Variants in GMPS observed in about 807,000 individuals in gnomAD.
The protein encoded by GMPS is GMP synthase [glutamine-hydrolyzing].
A neutral mutation model predicts 77.9 loss-of-function variants in GMPS; 15 were observed. That is an observed-to-expected ratio of 0.19 (90% CI 0.13 to 0.30). The LOEUF (loss-of-function observed/expected upper bound fraction) is 0.30, where lower values mean the gene tolerates loss of function less well. GMPS is among the 10% of genes least tolerant of loss of function. The pLI is 1.00. For missense variants in GMPS, 590 were observed against 838.8 expected (o/e 0.70, Z 3.66); for synonymous variants, 224 against 275.9 (o/e 0.81, Z 1.86).
chr3:155,926,693 T>C (rs978745114), intron 12 of GMPS, among the ~76,000 whole-genome samples: 1 of 152,250 alleles, frequency 6.6e-6, no homozygotes, highest in African/African-American at 2.4e-5. Flanking sequence ...CCCTTTGCTC[T>C]GAATTCATGC....
intron 1 of GMPS, among the ~76,000 whole-genome samples, chr3:155,879,265 CTTTTT>C (rs370727242): frequency 8.2e-6 from 1 of 122,654 alleles, no homozygotes; most frequent in African/African-American, 3.0e-5. Context: ...CTGCACTTGT[CTTTTT>C]TTTTTTTTTT....
At chr3:155,896,743 T>TA (rs1754613677) in intron 2 of GMPS, among the ~76,000 whole-genome samples, 1 of 137,000 alleles carries the variant, frequency 7.3e-6, no homozygotes, top group African/African-American at 2.5e-5. Flanking sequence ...TTTTTTTTTT[T>TA]TTTTTTTTTA....
chr3:155,928,664 C>T (rs1190659062), intron 12 of GMPS, among the ~76,000 whole-genome samples: 2 of 147,088 alleles, frequency 1.4e-5, no homozygotes, highest in Non-Finnish European at 3.0e-5. Flanking sequence ...TTAGGTATAT[C>T]TCCCAATGCT....
intron 1 of GMPS, among the ~76,000 whole-genome samples, chr3:155,874,520 T>G (rs1302316071): frequency 6.6e-6 from 1 of 152,200 alleles, no homozygotes; most frequent in East Asian, 1.9e-4. Flanking sequence ...ACTTAGTAAA[T>G]TTTTTTCTTA....
At chr3:155,933,206 G>GA (rs748186459) in intron 13 of GMPS, among the ~76,000 whole-genome samples, 28 of 147,848 alleles carry the variant, frequency 1.9e-4, no homozygotes, top group African/African-American at 4.9e-4. Flanking sequence ...AAAGGAAAAA[G>GA]AAAAAAAAAA....
intron 8 of GMPS, among the ~76,000 whole-genome samples, chr3:155,915,238 G>GTTTT (rs35664957): frequency 7.5e-6 from 1 of 133,186 alleles, no homozygotes. Flanking sequence ...CTTTGTTTTT[G>GTTTT]TTTTTTTTTT....
At position 155,940,456 on chromosome 3, in the gene GMPS, GTT is replaced by G. The variant is rs1285782978; in HGVS notation, c.*2766_*2767del. The G allele has an allele frequency of 1.4e-5, 3 of 211,294 alleles. No individual in the cohort carries two copies. Among genetic ancestry groups the G allele is most frequent in the Non-Finnish European group, 2.9e-5 (3 of 104,326 alleles). 13.1% of individuals were successfully genotyped at this position (211,294 alleles called of 1,614,324 possible). ...TAGTCAAACAAGCATCATAAAATTT[GTT>G]TCCTCACTGTTTGGGCTTAACCTCC... On this transcript the variant is annotated 3_prime_UTR_variant, in exon 16 of 16. Coordinates refer to ENST00000496455, the MANE Select transcript of GMPS (RefSeq NM_003875.3).
chr3:155,895,316 A>AT (rs981056483), intron 2 of GMPS: 2 of 150,328 alleles, frequency 1.3e-5, no homozygotes, highest in Admixed American at 6.6e-5. Context: ...TTTTTTTATT[A>AT]TTTTTTTGAG....
rs767970303 is a variant in GMPS at position 155,911,239 on chromosome 3, T to C, written c.846T>C (p.Ser282=). ...TTATGAGAAAACGAGAAAGCCAGTC[T>C]GTTGAAGAGGCCCTCAAAAAGCTTG... ...NGFMRKRESQ[S]VEEALKKLGI... Residue 282 remains serine (S), a synonymous_variant, in exon 7 of 16, where the codon TCT becomes TCC. Transcript: ENST00000496455. The C allele has an allele frequency of 1.2e-6, 2 of 1,611,980 alleles. No individual in the cohort carries two copies. The highest frequency in any genetic ancestry group is 1.7e-6 in the Non-Finnish European group (2 of 1,179,116).
intron 3 of GMPS, among the ~76,000 whole-genome samples, chr3:155,901,234 A>G (rs1478335995): frequency 2.0e-5 from 3 of 152,068 alleles, no homozygotes. Context: ...TTATATTCCT[A>G]AATAATATAT....
At chr3:155,932,015 G>A (rs895076096) in intron 13 of GMPS, 135 bp downstream of exon 13, 1 of 456,574 alleles carries the variant, frequency 2.2e-6, no homozygotes, top group African/African-American at 2.0e-5. Context: ...AAATGGCTGT[G>A]TTTGTAATTC....
chr3:155,883,344 G>A (rs1754254063), intron 1 of GMPS, among the ~76,000 whole-genome samples: 1 of 152,038 alleles, frequency 6.6e-6, no homozygotes, highest in African/African-American at 2.4e-5. Context: ...CAAAGTGCTA[G>A]GATTACAGGC....
chr3:155,872,441 G>C (rs66509404), intron 1 of GMPS, among the ~76,000 whole-genome samples: 5 of 151,980 alleles, frequency 3.3e-5, no homozygotes, highest in African/African-American at 1.2e-4. Flanking sequence ...CTAGTTTTGA[G>C]TCTTACAACT....
chr3:155,871,872 C>G (rs1293645914), intron 1 of GMPS, among the ~76,000 whole-genome samples: 8 of 152,230 alleles, frequency 5.3e-5, no homozygotes, highest in African/African-American at 1.9e-4. Flanking sequence ...ACTTTCGTCC[C>G]GCTTTTGAAT....
At chr3:155,889,048 T>C (rs1011390483) in intron 1 of GMPS, among the ~76,000 whole-genome samples, 1 of 152,216 alleles carries the variant, frequency 6.6e-6, no homozygotes, top group Non-Finnish European at 1.5e-5. Flanking sequence ...TTACTTTTAG[T>C]AACTTTGTAT....
chr3:155,941,390 GAGACT>G lies in GMPS; in HGVS notation c.*3699_*3703del. ...CTGCACTCCGGCCTGGTGAAAGAGC[GAGACT>G]CAGTCTCAAAAAAAAAAAAAAAAGG... On this transcript the variant is annotated 3_prime_UTR_variant, in exon 16 of 16. Transcript: ENST00000496455. 1 of 153,220 alleles carries G rather than the reference GAGACT, an allele frequency of 6.5e-6. No homozygotes were observed. Among genetic ancestry groups the G allele is most frequent in the African/African-American group, 3.5e-5 (1 of 28,692 alleles). The allele number at this position is 153,220 out of a possible 1,614,324, so 9.5% of individuals were successfully genotyped here.
At chr3:155,901,485 T>C (rs1017652591) in intron 3 of GMPS, among the ~76,000 whole-genome samples, 5 of 152,166 alleles carry the variant, frequency 3.3e-5, no homozygotes, top group South Asian at 2.1e-4. Context: ...TCTGGTGTTA[T>C]ACATACACAA....
At chr3:155,884,323 T>C (rs943048597) in intron 1 of GMPS, among the ~76,000 whole-genome samples, 6 of 150,428 alleles carry the variant, frequency 4.0e-5, no homozygotes, top group African/African-American at 1.5e-4. Flanking sequence ...GAGGCAGAGG[T>C]TGCAGTGAGC....
At chr3:155,875,304 C>T (rs962632132) in intron 1 of GMPS, among the ~76,000 whole-genome samples, 11 of 152,186 alleles carry the variant, frequency 7.2e-5, no homozygotes, top group African/African-American at 1.9e-4. Context: ...GATCTCCCCT[C>T]ATTGCAACCT....
Sources: allele counts gnomAD v4.1 joint callset (sites outside exome capture counted in the v4.1 genomes callset), GRCh38; gene constraint gnomAD v4.1.1; transcripts MANE v1.5; gene names NCBI Gene and HGNC (gene_info 2026-07-23, HGNC 2026-07-21).